MYT1L: variants seen among roughly 807,000 people sequenced by gnomAD.
The protein encoded by MYT1L is myelin transcription factor 1 like, also known as myelin transcription factor 1-like protein.
In MYT1L, 12 loss-of-function variants were observed where a neutral mutation model predicts 126.7. The ratio of observed to expected loss-of-function variants is 0.09; its 90% CI spans 0.06 to 0.15. The LOEUF (loss-of-function observed/expected upper bound fraction) is 0.15. Among genes scored for constraint, MYT1L ranks in the 10% least tolerant of loss-of-function variants. The probability of loss-of-function intolerance (pLI) is 1.00; values close to 1 mark genes in which losing one functional copy is unlikely to be tolerated. For missense variants in MYT1L, 979 were observed against 1,585.2 expected (o/e 0.62, Z 6.49); for synonymous variants, 541 against 604.2 (o/e 0.90, Z 1.53).
intron 2 of MYT1L, among the ~76,000 whole-genome samples, chr2:2,215,800 C>G (rs553302823): frequency 3.9e-5 from 6 of 152,140 alleles, no homozygotes; most frequent in Admixed American, 3.3e-4. Flanking sequence ...CCAAATCTCA[C>G]GTTGAATTGC....
intron 5 of MYT1L, among the ~76,000 whole-genome samples, chr2:1,985,072 G>A (rs898730526): frequency 1.6e-4 from 24 of 152,236 alleles, no homozygotes; most frequent in East Asian, 1.2e-3. Flanking sequence ...GCTGGGTTAC[G>A]GACAGCTCCC....
intron 2 of MYT1L, among the ~76,000 whole-genome samples, chr2:2,180,914 CTG>C (rs574806267): frequency 7.4e-5 from 11 of 148,536 alleles, no homozygotes; most frequent in South Asian, 2.1e-4. Context: ...GTGTATGTAC[CTG>C]TGTGTGCACC....
chr2:2,125,895 T>C (rs985383667), intron 3 of MYT1L, among the ~76,000 whole-genome samples: 1 of 152,234 alleles, frequency 6.6e-6, no homozygotes, highest in South Asian at 2.1e-4. Context: ...ATGTAGTCAT[T>C]CTAGCAACAA....
At chr2:2,087,883 G>A (rs2076510845) in intron 3 of MYT1L, among the ~76,000 whole-genome samples, 1 of 152,206 alleles carries the variant, frequency 6.6e-6, no homozygotes, top group Non-Finnish European at 1.5e-5. Context: ...GGAACCATTC[G>A]CTATAAACAC....
At chr2:2,212,219 T>C (rs2093544091) in intron 2 of MYT1L, among the ~76,000 whole-genome samples, 1 of 150,914 alleles carries the variant, frequency 6.6e-6, no homozygotes, top group Non-Finnish European at 1.5e-5. Flanking sequence ...TCCCCTGAAA[T>C]ATGGGCATTT....
At chr2:1,903,017 T>C (rs2050560161) in intron 14 of MYT1L, 63 bp downstream of exon 14, 5 of 1,458,974 alleles carry the variant, frequency 3.4e-6, no homozygotes, top group Non-Finnish European at 4.8e-6. Flanking sequence ...GACATTGATA[T>C]ACACAACAAC....
chr2:2,239,051 C>T (rs541819143), intron 2 of MYT1L, among the ~76,000 whole-genome samples: 35 of 152,346 alleles, frequency 2.3e-4, no homozygotes, highest in African/African-American at 8.2e-4. Context: ...CTCCTGATCT[C>T]TAAAAATGAA....
chr2:2,034,034 C>G (rs575301118), intron 4 of MYT1L, among the ~76,000 whole-genome samples: 1 of 152,248 alleles, frequency 6.6e-6, no homozygotes, highest in African/African-American at 2.4e-5. Context: ...GAGTTAGGGG[C>G]CTGGGTTCTC....
At chr2:1,883,783 G>A (rs2047863882) in intron 18 of MYT1L, 1 of 152,100 alleles carries the variant, frequency 6.6e-6, no homozygotes, top group South Asian at 2.1e-4. Flanking sequence ...TTTTACCCTG[G>A]GGGCTTCCTC....
intron 2 of MYT1L, among the ~76,000 whole-genome samples, chr2:2,223,151 T>G (rs1464762983): frequency 6.6e-6 from 1 of 152,302 alleles, no homozygotes; most frequent in African/African-American, 2.4e-5. Context: ...GCTAGACTGT[T>G]GACCACAGAC....
intron 3 of MYT1L, among the ~76,000 whole-genome samples, chr2:2,065,351 A>G (rs2071094108): frequency 6.6e-6 from 1 of 152,246 alleles, no homozygotes; most frequent in South Asian, 2.1e-4. Flanking sequence ...TCACAAATAT[A>G]TTCAAAGTTA....
chr2:2,089,350 C>T lies in MYT1L; in HGVS notation c.-303-35227G>A, dbSNP rs116539522. 6.5e-3 allele frequency among the ~76,000 whole-genome samples: 987 copies of T among 152,266 alleles called. 10 individuals are homozygous for T. The highest frequency in any genetic ancestry group is 0.021 in the African/African-American group (886 of 41,560). ...CTTTACAAAGTGTTTGCTATTGTACCGAAAACTGCTGTAAGCACTGAATGC... is the reference window on the plus strand; with the variant it reads ...CTTTACAAAGTGTTTGCTATTGTACTGAAAACTGCTGTAAGCACTGAATGC... On this transcript the variant is annotated intron_variant, in intron 3 of 24. Transcript: ENST00000647738.
intron 9 of MYT1L, among the ~76,000 whole-genome samples, chr2:1,933,885 A>G (rs564213971): frequency 2.2e-4 from 33 of 152,278 alleles, no homozygotes; most frequent in Non-Finnish European, 3.8e-4. Context: ...TTACATTTAA[A>G]TAAACACATT....
chr2:2,114,231 G>C (rs536148419), intron 3 of MYT1L, among the ~76,000 whole-genome samples: 2 of 152,300 alleles, frequency 1.3e-5, no homozygotes, highest in South Asian at 2.1e-4. Flanking sequence ...GTATAGACTA[G>C]AAATAGAAAA....
intron 9 of MYT1L, among the ~76,000 whole-genome samples, chr2:1,933,615 C>T (rs1299192366): frequency 5.9e-5 from 9 of 152,292 alleles, no homozygotes; most frequent in South Asian, 2.1e-4. Context: ...GACTGTGGTG[C>T]GTGTGGCTCT....
chr2:1,910,434 C>A lies in MYT1L; in HGVS notation c.1710-87G>T. On this transcript the variant is annotated intron_variant, in intron 12 of 24. Coordinates refer to ENST00000647738, the MANE Select transcript of MYT1L (RefSeq NM_001303052.2). This position sits in a 1 kb window ranked among gnomAD's most constrained non-coding sequence, Gnocchi z 4.8. The stretch of plus-strand genomic sequence containing the variant: ...CTCCCTTAGCACCAAGACCCTGATG[C>A]AGGTGGAGCTGGTGAGGGAGGGGTA... 1 of 1,249,508 alleles carries A rather than the reference C, an allele frequency of 8.0e-7. No homozygotes were observed. The highest frequency in any genetic ancestry group is 1.1e-6 in the Non-Finnish European group (1 of 875,938). The allele number at this position is 1,249,508 out of a possible 1,614,324, so 77.4% of individuals were successfully genotyped here. A position where few individuals can be genotyped will look rare whatever the true frequency, so the allele number is the denominator to read the frequency against.
chr2:2,304,293 C>T lies in MYT1L; in HGVS notation c.-520-19790G>A, dbSNP rs541500435. ...AAGTAATAAATTCATTAGCGAGTAG[C>T]CTGAAAAGTTATGTAACTATGGTAG... On this transcript the variant is annotated intron_variant, in intron 1 of 24. Coordinates refer to ENST00000647738, the MANE Select transcript of MYT1L (RefSeq NM_001303052.2). 1.1e-4 allele frequency among the ~76,000 whole-genome samples: 17 copies of T among 152,206 alleles called. No individual in the cohort carries two copies. The South Asian group carries it at 3.5e-3, about 32-fold the overall frequency.
intron 18 of MYT1L, chr2:1,885,036 G>C (rs6749121): frequency 0.048 from 7,371 of 152,332 alleles, 260 homozygotes; most frequent in African/African-American, 0.093. Flanking sequence ...TCTCTGACCA[G>C]TTAGAGGCAA....
At chr2:1,823,240 T>C (rs1037344406) in intron 21 of MYT1L, among the ~76,000 whole-genome samples, 3 of 152,200 alleles carry the variant, frequency 2.0e-5, no homozygotes, top group East Asian at 1.9e-4. Context: ...CTGGTGGTGC[T>C]GGCTGTTATA....
Sources: gnomAD v4.1 joint callset for allele counts (sites outside exome capture counted in the v4.1 genomes callset) on GRCh38, gnomAD v4.1.1 for gene constraint, Gnocchi (gnomAD v3.1) non-coding constraint, MANE v1.5 for transcripts, NCBI Gene and HGNC (gene_info 2026-07-23, HGNC 2026-07-21) for gene names.